Variants in OPCML observed in about 807,000 individuals in gnomAD.
The protein encoded by OPCML is opioid binding protein/cell adhesion molecule like.
OPCML carries 13 observed loss-of-function variants against 37.8 expected under a neutral mutation model. The observed-to-expected ratio is 0.34, with a 90% confidence interval of 0.22 to 0.55. The LOEUF (loss-of-function observed/expected upper bound fraction) is 0.55. OPCML is among the 20% of genes least tolerant of loss of function. OPCML has a pLI of 0.91. For missense variants in OPCML, 341 were observed against 435.6 expected (o/e 0.78, Z 1.93); for synonymous variants, 176 against 168.8 (o/e 1.04, Z -0.33).
chr11:132,859,755 A>G (rs1942218316), intron 2 of OPCML, among the ~76,000 whole-genome samples: 1 of 152,208 alleles, frequency 6.6e-6, no homozygotes, highest in African/African-American at 2.4e-5. Flanking sequence ...TTATCTTCCT[A>G]ATTACACTTT....
chr11:133,194,753 T>G (rs1031348332), intron 1 of OPCML, among the ~76,000 whole-genome samples: 4 of 152,202 alleles, frequency 2.6e-5, no homozygotes, highest in African/African-American at 9.7e-5. Flanking sequence ...GCTAATGACC[T>G]AGTCCCACCT....
intron 3 of OPCML, among the ~76,000 whole-genome samples, chr11:132,642,856 C>A (rs1189110432): frequency 1.3e-5 from 2 of 152,188 alleles, no homozygotes; most frequent in Admixed American, 1.3e-4. Flanking sequence ...AGAAGCAGCT[C>A]AGTAATTGAG....
At chr11:133,377,612 G>GAAAAAAAAAAAT (rs1555148304) in intron 1 of OPCML, among the ~76,000 whole-genome samples, 1 of 79,088 alleles carries the variant, frequency 1.3e-5, no homozygotes, top group Non-Finnish European at 2.3e-5. Flanking sequence ...CCAGTATTCA[G>GAAAAAAAAAAAT]AAAAAAAAAA....
intron 1 of OPCML, among the ~76,000 whole-genome samples, chr11:133,510,533 C>T (rs1181178492): frequency 3.3e-5 from 5 of 152,120 alleles, no homozygotes. Flanking sequence ...TCTTCATGCC[C>T]CAGCACTAAA....
At chr11:133,152,483 C>T (rs1206170504) in intron 1 of OPCML, among the ~76,000 whole-genome samples, 3 of 152,008 alleles carry the variant, frequency 2.0e-5, no homozygotes, top group African/African-American at 7.3e-5. Flanking sequence ...GTCTAATTGC[C>T]GGCCTCTTTC....
intron 1 of OPCML, among the ~76,000 whole-genome samples, chr11:133,222,864 C>T (rs1292261385): frequency 1.3e-5 from 2 of 152,094 alleles, no homozygotes; most frequent in African/African-American, 4.8e-5. Flanking sequence ...ACGGGCTCTG[C>T]AGTGACAGGA....
At chr11:132,452,768 A>C (rs1194584472) in intron 4 of OPCML, among the ~76,000 whole-genome samples, 1 of 152,316 alleles carries the variant, frequency 6.6e-6, no homozygotes, top group South Asian at 2.1e-4. Context: ...AGCATTCTGT[A>C]TACTCCAGTG....
intron 4 of OPCML, among the ~76,000 whole-genome samples, chr11:132,524,519 A>G (rs1390528502): frequency 6.6e-6 from 1 of 152,194 alleles, no homozygotes; most frequent in Non-Finnish European, 1.5e-5. Context: ...AGATTTTTGT[A>G]TCTAAAGATC....
intron 1 of OPCML, among the ~76,000 whole-genome samples, chr11:133,334,210 C>A (rs1361971180): frequency 6.6e-6 from 1 of 152,162 alleles, no homozygotes; most frequent in Non-Finnish European, 1.5e-5. Context: ...CATTGCAGCA[C>A]TCTTCAAACA....
intron 2 of OPCML, among the ~76,000 whole-genome samples, chr11:132,665,700 A>C (rs537181018): frequency 6.6e-6 from 1 of 152,184 alleles, no homozygotes; most frequent in Non-Finnish European, 1.5e-5. Flanking sequence ...TGAATGATTG[A>C]GCTGGTTTCT....
intron 1 of OPCML, among the ~76,000 whole-genome samples, chr11:133,370,850 C>T (rs568177242): frequency 2.7e-4 from 41 of 152,274 alleles, no homozygotes; most frequent in African/African-American, 8.9e-4. Flanking sequence ...AAGTTCTTCA[C>T]AGCAAAGCAA....
chr11:132,594,102 CT>C (rs2096488856), intron 3 of OPCML, among the ~76,000 whole-genome samples: 1 of 152,194 alleles, frequency 6.6e-6, no homozygotes, highest in South Asian at 2.1e-4. Flanking sequence ...TGATTTTGTT[CT>C]GCTTCACCAT....
intron 3 of OPCML, among the ~76,000 whole-genome samples, chr11:132,557,077 T>C (rs1450337917): frequency 6.6e-6 from 1 of 152,216 alleles, no homozygotes; most frequent in African/African-American, 2.4e-5. Context: ...ATCTTATTCT[T>C]ACCCTAGTTG....
At chr11:132,975,757 A>G (rs1055742892) in intron 1 of OPCML, among the ~76,000 whole-genome samples, 2 of 151,718 alleles carry the variant, frequency 1.3e-5, no homozygotes, top group Non-Finnish European at 2.9e-5. Flanking sequence ...TATCTTCTAG[A>G]TAGTACCTTC....
At chr11:132,649,187 T>C (rs1941308043) in intron 3 of OPCML, among the ~76,000 whole-genome samples, 1 of 152,118 alleles carries the variant, frequency 6.6e-6, no homozygotes, top group African/African-American at 2.4e-5. Flanking sequence ...GTGTGTGTCT[T>C]AGTTGCAAAG....
At chr11:133,326,408 T>C (rs1445879511) in intron 1 of OPCML, among the ~76,000 whole-genome samples, 1 of 125,392 alleles carries the variant, frequency 8.0e-6, no homozygotes, top group Non-Finnish European at 1.6e-5. Flanking sequence ...GTGGAAACAG[T>C]GGGTGTGGAT....
At chr11:132,508,461 C>CAA (rs35103690) in intron 4 of OPCML, among the ~76,000 whole-genome samples, 1 of 142,824 alleles carries the variant, frequency 7.0e-6, no homozygotes, top group Admixed American at 7.5e-5. Flanking sequence ...CAATGGATGC[C>CAA]AAAAAAAACA....
At chr11:132,771,220 G>T (rs1030019611) in intron 2 of OPCML, among the ~76,000 whole-genome samples, 19 of 152,182 alleles carry the variant, frequency 1.2e-4, no homozygotes, top group African/African-American at 4.6e-4. Flanking sequence ...CACCTCAGAA[G>T]AGAACAACAT....
intron 3 of OPCML, among the ~76,000 whole-genome samples, chr11:132,563,794 CG>C (rs1565668749): frequency 2.8e-5 from 4 of 143,050 alleles, no homozygotes; most frequent in African/African-American, 7.8e-5. Flanking sequence ...AAAAAAACAA[CG>C]AAAACAACAA....
Sources: allele counts gnomAD v4.1 joint callset (sites outside exome capture counted in the v4.1 genomes callset), GRCh38; gene constraint gnomAD v4.1.1; transcripts MANE v1.5; gene names NCBI Gene and HGNC (gene_info 2026-07-23, HGNC 2026-07-21).